LSG1: variants seen among roughly 807,000 people sequenced by gnomAD.
The protein encoded by LSG1 is large subunit GTPase 1 homolog.
In LSG1, 55 loss-of-function variants were observed where a neutral mutation model predicts 82.6. The observed-to-expected ratio is 0.67, with a 90% CI of 0.54 to 0.83. The LOEUF (loss-of-function observed/expected upper bound fraction) is 0.83, where lower values mean the gene tolerates loss of function less well. Ranked by LOEUF, LSG1 falls within the 40% of genes least tolerant of loss-of-function variation. The pLI is 0.00. For synonymous variants in LSG1, 272 were observed against 282.5 expected (o/e 0.96, Z 0.37); for missense variants, 809 against 807.9 (o/e 1.00, Z -0.02).
At chr3:194,658,319 G>GT (rs1174040312) in intron 7 of LSG1, among the ~76,000 whole-genome samples, 1 of 152,002 alleles carries the variant, frequency 6.6e-6, no homozygotes, top group Non-Finnish European at 1.5e-5. Flanking sequence ...GGCTAATGTT[G>GT]TATTTTCAGT....
In LSG1 at chr3:194,672,022, G is replaced by C. The variant is rs772778808; in HGVS notation, c.99+42C>G. On this transcript the variant is annotated intron_variant, in intron 1 of 13. Transcript: ENST00000265245. ...TGACCCCGAATTTTGCAGCACTCAGGCTAGACAGAAAAGATAAGAAAGATG... is the reference window on the plus strand; with the variant it reads ...TGACCCCGAATTTTGCAGCACTCAGCCTAGACAGAAAAGATAAGAAAGATG... 5 of 1,572,768 alleles carry C rather than the reference G, an allele frequency of 3.2e-6. No individual in the cohort carries two copies. The Admixed American group carries it at 8.3e-5, about 26-fold the overall frequency.
rs1577253067 is a variant in LSG1 at position 194,650,570 on chromosome 3, G to T, written c.1419+311C>A. ...TAGATTTTCCCCCACTTAGAGAAAA[G>T]GAAAGTATTTGGGAAGGTTAAGCAA... On this transcript the variant is annotated intron_variant, in intron 10 of 13. Transcript: ENST00000265245. The T allele has an allele frequency of 2.0e-5, 5 of 248,794 alleles. No individual in the cohort carries two copies. In the East Asian group the frequency reaches 3.9e-4, roughly 19 times the overall value. 15.4% of individuals were successfully genotyped at this position (248,794 alleles called of 1,614,324 possible).
intron 2 of LSG1, 107 bp downstream of exon 2, chr3:194,669,902 G>A: frequency 3.0e-6 from 4 of 1,341,922 alleles, no homozygotes; most frequent in East Asian, 4.8e-5. Context: ...CTGCACTTCA[G>A]CCTGGGTGAC....
At chr3:194,648,253 A>AG (rs1718595389) in intron 11 of LSG1, among the ~76,000 whole-genome samples, 1 of 152,046 alleles carries the variant, frequency 6.6e-6, no homozygotes, top group Non-Finnish European at 1.5e-5. Flanking sequence ...TGGGAGAGGA[A>AG]GGAGGATGCT....
intron 7 of LSG1, among the ~76,000 whole-genome samples, chr3:194,656,054 G>A (rs1326912396): frequency 2.0e-5 from 3 of 152,034 alleles, no homozygotes; most frequent in Non-Finnish European, 2.9e-5. Flanking sequence ...AACCCTAGAA[G>A]AAAACCTAGG....
intron 5 of LSG1, among the ~76,000 whole-genome samples, chr3:194,662,371 C>T (rs950278246): frequency 2.0e-5 from 3 of 152,240 alleles, no homozygotes; most frequent in African/African-American, 7.2e-5. Flanking sequence ...GGGAATTCAG[C>T]ATAAGCCTAT....
intron 13 of LSG1, among the ~76,000 whole-genome samples, chr3:194,642,509 G>A (rs1473153304): frequency 6.6e-6 from 1 of 151,466 alleles, no homozygotes; most frequent in Non-Finnish European, 1.5e-5. Flanking sequence ...TACCAGCTGT[G>A]TTCTGGAAAT....
In LSG1 at chr3:194,642,242, A is replaced by C; in HGVS notation, c.1803T>G (p.Asn601Lys). Residue 601 changes from asparagine to lysine, a missense_variant, in exon 14 of 14, where the codon AAT becomes AAG. Transcript: ENST00000265245. ...GGACTCCTTTGGTCAAAGCCCTCAC[A>C]TTCTCCTAGGAAATAAGAGAAAACA... is the stretch of plus-strand genomic sequence containing the variant. The part of the protein sequence containing the change: ...IVDKTFFHQE[N>K]VRALTKGVQA... 1.2e-6 allele frequency: 2 copies of C among 1,612,446 alleles called. No homozygotes were observed. Among genetic ancestry groups the C allele is most frequent in the Non-Finnish European group, 1.7e-6 (2 of 1,179,416 alleles).
At chr3:194,642,272 C>T in intron 13 of LSG1, 25 bp from the exon 14 acceptor site, 1 of 1,603,314 alleles carries the variant, frequency 6.2e-7, no homozygotes, top group Middle Eastern at 1.7e-4. Flanking sequence ...AAAACATTAT[C>T]TGAGCTGTCA....
Position 194,659,010 on chromosome 3 carries a change from C to A in LSG1, c.706G>T (p.Val236Phe), listed in dbSNP as rs200655440. ...AMYFEKEDVK[V>F]IFWSALAGAI... is the part of the protein sequence containing the mutation. ...CCGGCCAAAGCTGACCAGAAAATAACCTTCACATCTTCTTTTTCGAAGTAC... is the reference window on the plus strand; with the variant it reads ...CCGGCCAAAGCTGACCAGAAAATAAACTTCACATCTTCTTTTTCGAAGTAC... Residue 236 changes from valine (V) to phenylalanine (F), a missense_variant, in exon 7 of 14, where the codon GTT (valine) becomes TTT (phenylalanine). Transcript: ENST00000265245. 1.7e-4 allele frequency: 280 copies of A among 1,614,218 alleles called. 1 individual carries two copies. The South Asian group carries it at 2.2e-3, about 12-fold the overall frequency.
At chr3:194,646,998 G>A (rs1341120627) in intron 11 of LSG1, among the ~76,000 whole-genome samples, 2 of 152,226 alleles carry the variant, frequency 1.3e-5, no homozygotes, top group African/African-American at 4.8e-5. Flanking sequence ...GAAGCATGGT[G>A]GTTAAGAACA....
chr3:194,652,773 G>A lies in LSG1; in HGVS notation c.1129C>T (p.His377Tyr). Residue 377 changes from histidine to tyrosine, a missense_variant, in exon 8 of 14, where the codon CAC becomes TAC. His to Tyr is a moderately conservative substitution (Grantham distance 83). Coordinates refer to ENST00000265245, the MANE Select transcript of LSG1 (RefSeq NM_018385.3). ...CCATCTTTCACCTTTCTCCCAGTGT[G>A]TAGCTCCTTAAAGAGCTCCAGTAAC... ...QELLELFKEL[H>Y]TGRKVKDGQL... 1 of 1,614,182 alleles carries A rather than the reference G, an allele frequency of 6.2e-7. No individual in the cohort carries two copies. The highest frequency in any genetic ancestry group is 1.3e-5 in the African/African-American group (1 of 75,050).
Position 194,651,154 on chromosome 3 carries a change from T to C in LSG1, c.1236A>G (p.Val412=), listed in dbSNP as rs771316080. The change falls in exon 9 of 14, where the codon GTA becomes GTG. Residue 412 remains valine (V), a synonymous_variant. Coordinates refer to ENST00000265245, the MANE Select transcript of LSG1 (RefSeq NM_018385.3). ...TGTGACCAGGTGTGGCAGACACAGA[T>C]ACTTTCTTGTTGCCCATGATGGTGT... ...TINTIMGNKK[V]SVSATPGHTK... 12 of 1,614,086 alleles carry C rather than the reference T, an allele frequency of 7.4e-6. No homozygotes were observed. Among genetic ancestry groups the C allele is most frequent in the Non-Finnish European group, 1.0e-5 (12 of 1,180,044 alleles).
In LSG1 at chr3:194,648,709, T is replaced by C. The variant is rs779905684; in HGVS notation, c.1515A>G (p.Thr505=). 13 of 1,614,054 alleles carry C rather than the reference T, an allele frequency of 8.1e-6. No homozygotes were observed. The highest frequency in any genetic ancestry group is 2.2e-5 in the East Asian group (1 of 44,900). The part of the protein sequence containing the change: ...REDEDPHRPP[T]SEELLTAYGY... ...CATAAGCTGTCAACAGTTCTTCCGA[T>C]GTTGGAGGTCGGTGGGGATCTTCAT... Residue 505 remains threonine, a synonymous_variant, in exon 11 of 14, where the codon ACA becomes ACG. Coordinates refer to ENST00000265245, the MANE Select transcript of LSG1 (RefSeq NM_018385.3).
At chr3:194,643,212 C>T (rs960027401) in intron 13 of LSG1, among the ~76,000 whole-genome samples, 3 of 152,214 alleles carry the variant, frequency 2.0e-5, no homozygotes, top group Admixed American at 2.0e-4. Context: ...ATATAAGCAA[C>T]TGAAGTTATC....
chr3:194,651,164 T>C lies in LSG1; in HGVS notation c.1226A>G (p.Asn409Ser). Reference protein sequence around the residue: ...KSSTINTIMGNKKVSVSATPG... With the variant: ...KSSTINTIMGSKKVSVSATPG... Reference sequence around the variant, plus strand: ...TGTGGCAGACACAGATACTTTCTTGTTGCCCATGATGGTGTTGATTGTTGA... The same window carrying C: ...TGTGGCAGACACAGATACTTTCTTGCTGCCCATGATGGTGTTGATTGTTGA... The change falls in exon 9 of 14, where the codon AAC becomes AGC. Residue 409 changes from asparagine (N) to serine (S), a missense_variant. Coordinates refer to ENST00000265245, the MANE Select transcript of LSG1 (RefSeq NM_018385.3). The C allele has an allele frequency of 6.2e-7, 1 of 1,614,220 alleles. No homozygotes were observed.
intron 11 of LSG1, among the ~76,000 whole-genome samples, chr3:194,647,790 G>A (rs191928290): frequency 6.9e-4 from 105 of 152,290 alleles, no homozygotes; most frequent in African/African-American, 2.4e-3. Context: ...GTCAGCTCAG[G>A]CTCTGAGTTC....
At chr3:194,671,241 G>A (rs1263295421) in intron 1 of LSG1, among the ~76,000 whole-genome samples, 2 of 152,136 alleles carry the variant, frequency 1.3e-5, no homozygotes, top group African/African-American at 4.8e-5. Context: ...TTTCCTAAAA[G>A]GCTTCATTAG....
intron 1 of LSG1, among the ~76,000 whole-genome samples, chr3:194,671,624 G>A (rs977469598): frequency 6.6e-6 from 1 of 152,182 alleles, no homozygotes; most frequent in Non-Finnish European, 1.5e-5. Flanking sequence ...TAAACCACTA[G>A]GGGGTGCTTC....
Sources: allele counts gnomAD v4.1 joint callset (sites outside exome capture counted in the v4.1 genomes callset), GRCh38; gene constraint gnomAD v4.1.1; transcripts MANE v1.5; gene names NCBI Gene and HGNC (gene_info 2026-07-23, HGNC 2026-07-21).